Variants in IGF2R observed in about 807,000 individuals in gnomAD.
The protein encoded by IGF2R is insulin like growth factor 2 receptor.
In IGF2R, 91 loss-of-function variants were observed where a neutral mutation model predicts 270.6. The observed-to-expected ratio is 0.34, with a 90% confidence interval of 0.28 to 0.40. The LOEUF (loss-of-function observed/expected upper bound fraction) is 0.40. Ranked by LOEUF, IGF2R falls within the 10% of genes least tolerant of loss-of-function variation. IGF2R has a pLI of 1.00. For missense variants in IGF2R, 2,805 were observed against 3,188.3 expected, an observed-to-expected ratio of 0.88 and a Z score of 2.90; for synonymous variants, 1,316 against 1,258.9, an observed-to-expected ratio of 1.05 and a Z score of -0.96.
In IGF2R at chr6:160,107,873, C is replaced by T. The variant is rs563241873; in HGVS notation, c.*2789C>T. ...CTTACAGGACAAAGAACTCTTTTTC[C>T]CTGAATCATTTGAGATGAAGTTTCT... On this transcript the variant is annotated 3_prime_UTR_variant, in exon 48 of 48. Coordinates refer to ENST00000356956, the MANE Select transcript of IGF2R (RefSeq NM_000876.4). 2.0e-5 allele frequency: 3 copies of T among 152,112 alleles called. No homozygotes were observed. Among genetic ancestry groups the T allele is most frequent in the Non-Finnish European group, 4.4e-5 (3 of 68,036 alleles). 9.4% of individuals were successfully genotyped at this position (152,112 alleles called of 1,614,324 possible).
intron 25 of IGF2R, 75 bp downstream of exon 25, chr6:160,062,003 T>A: frequency 2.1e-6 from 3 of 1,401,030 alleles, no homozygotes; most frequent in South Asian, 2.5e-5. Context: ...CCTCTGAATC[T>A]TCTATCTTGT....
intron 29 of IGF2R, among the ~76,000 whole-genome samples, chr6:160,067,249 G>C (rs536661694): frequency 6.6e-6 from 1 of 151,912 alleles, no homozygotes; most frequent in Non-Finnish European, 1.5e-5. Flanking sequence ...CCTGGGATGC[G>C]CTTTACTGGG....
intron 1 of IGF2R, among the ~76,000 whole-genome samples, chr6:159,987,164 CAT>C (rs550445263): frequency 3.9e-5 from 6 of 152,280 alleles, no homozygotes; most frequent in South Asian, 4.1e-4. Context: ...TAGTTTCAAA[CAT>C]GTGATTTCTT....
At chr6:160,060,156 G>A (rs549559255) in intron 22 of IGF2R, among the ~76,000 whole-genome samples, 4 of 151,758 alleles carry the variant, frequency 2.6e-5, no homozygotes, top group Admixed American at 6.6e-5. Flanking sequence ...TCATCACATA[G>A]GCCACCATTG....
intron 1 of IGF2R, among the ~76,000 whole-genome samples, chr6:159,974,306 C>A (rs1783655902): frequency 6.6e-6 from 1 of 152,182 alleles, no homozygotes; most frequent in African/African-American, 2.4e-5. Flanking sequence ...TTATCATGTG[C>A]TTACTGACTG....
intron 15 of IGF2R, 50 bp from the exon 16 acceptor site, chr6:160,047,109 G>C (rs531283748): frequency 1.9e-6 from 3 of 1,570,310 alleles, no homozygotes; most frequent in Non-Finnish European, 2.6e-6. Context: ...CAGCCTTGGA[G>C]TGCTTCTGCC....
intron 7 of IGF2R, among the ~76,000 whole-genome samples, chr6:160,030,420 G>T (rs548877830): frequency 2.0e-5 from 3 of 152,348 alleles, no homozygotes; most frequent in Admixed American, 2.0e-4. Flanking sequence ...TCTGACGTCA[G>T]GCTGGCAGCT....
At chr6:160,087,789 C>T (rs887321693) in intron 41 of IGF2R, among the ~76,000 whole-genome samples, 59 of 152,188 alleles carry the variant, frequency 3.9e-4, no homozygotes, top group Non-Finnish European at 8.4e-4. Flanking sequence ...AATTCTCCTG[C>T]CTCAGCCTCC....
intron 29 of IGF2R, among the ~76,000 whole-genome samples, chr6:160,065,204 G>A (rs1282316687): frequency 1.3e-5 from 2 of 152,160 alleles, no homozygotes; most frequent in African/African-American, 2.4e-5. Context: ...TGACCCCTGC[G>A]ATGAAGGGAG....
chr6:159,991,411 G>T, intron 2 of IGF2R, 88 bp downstream of exon 2: 1 of 1,071,190 alleles, frequency 9.3e-7, no homozygotes, highest in South Asian at 1.7e-5. Flanking sequence ...CGTATATAGC[G>T]ATACAAAAAT....
At chr6:160,029,759 G>A (rs904297631) in intron 7 of IGF2R, 104 bp downstream of exon 7, 2 of 739,142 alleles carry the variant, frequency 2.7e-6, no homozygotes, top group Non-Finnish European at 4.7e-6. Flanking sequence ...GATGCAGGAA[G>A]CTGGGAGCCA....
chr6:160,029,573 A>T lies in IGF2R; in HGVS notation c.800A>T (p.Glu267Val), dbSNP rs767594886. 1 of 1,613,774 alleles carries T rather than the reference A, an allele frequency of 6.2e-7. No individual in the cohort carries two copies. The stretch of plus-strand genomic sequence containing the variant: ...AGGCTTGTCCTGAGTTACGTGAGGG[A>T]AGAGGCAGGAAAGCTAGACTTTTGT... ...KDRLVLSYVR[E>V]EAGKLDFCDG... Residue 267 changes from glutamate (E) to valine (V), a missense_variant, in exon 7 of 48, where the codon GAA becomes GTA. Glu to Val is a moderately radical substitution (Grantham distance 121). Coordinates refer to ENST00000356956, the MANE Select transcript of IGF2R (RefSeq NM_000876.4).
chr6:160,012,758 T>TAC lies in IGF2R; in HGVS notation c.513+1974_513+1975insCA, dbSNP rs1182616584. ...TGCCCGGCTAATTTATATATATATA[T>TAC]ATATATTTTTTTTTTTTTTTGTTTG... On this transcript the variant is annotated intron_variant, in intron 4 of 47. Transcript: ENST00000356956. Among the ~76,000 whole-genome samples, 2 of 71,952 alleles carry TAC rather than the reference T, an allele frequency of 2.8e-5. 1 individual carries two copies. Among genetic ancestry groups the TAC allele is most frequent in the East Asian group, 1.5e-3 (2 of 1,364 alleles). 47.2% of individuals were successfully genotyped at this position (71,952 alleles called of 152,430 possible).
At chr6:159,982,764 G>T (rs1783825650) in intron 1 of IGF2R, among the ~76,000 whole-genome samples, 1 of 152,214 alleles carries the variant, frequency 6.6e-6, no homozygotes, top group Non-Finnish European at 1.5e-5. Context: ...GGCAATAAAT[G>T]AGGAAGGGAC....
At chr6:160,056,751 A>G (rs1778325775) in intron 20 of IGF2R, among the ~76,000 whole-genome samples, 2 of 152,110 alleles carry the variant, frequency 1.3e-5, no homozygotes, top group African/African-American at 2.4e-5. Context: ...TGCTCACTGT[A>G]GTTTCCTTCC....
intron 22 of IGF2R, 67 bp downstream of exon 22, chr6:160,059,165 C>CATCCTACACTCAGGAAGGTG: frequency 7.4e-7 from 1 of 1,348,876 alleles, no homozygotes; most frequent in Non-Finnish European, 1.0e-6. Flanking sequence ...TGGCCATGCA[C>CATCCTACACTCAGGAAGGTG]CTTCCTGAGT....
At chr6:159,999,141 G>A (rs1412051088) in intron 2 of IGF2R, among the ~76,000 whole-genome samples, 2 of 152,192 alleles carry the variant, frequency 1.3e-5, no homozygotes, top group African/African-American at 4.8e-5. Context: ...AGATGGGATG[G>A]ATCCCTCTGC....
chr6:159,973,852 G>T (rs1300727469), intron 1 of IGF2R, among the ~76,000 whole-genome samples: 2 of 152,174 alleles, frequency 1.3e-5, no homozygotes, highest in Non-Finnish European at 2.9e-5. Flanking sequence ...TTTGATCTTG[G>T]TATATAAACT....
chr6:160,090,085 A>T lies in IGF2R; in HGVS notation c.6637A>T (p.Thr2213Ser). 2 of 1,549,004 alleles carry T rather than the reference A, an allele frequency of 1.3e-6. No individual in the cohort carries two copies. Among genetic ancestry groups the T allele is most frequent in the Non-Finnish European group, 1.7e-6 (2 of 1,146,364 alleles). Reference sequence around the variant, plus strand: ...TCGGAAAGTTGGAACCTCTGACAAGACCAAGTACTACCTTCAAGGTAATCC... The same window carrying T: ...TCGGAAAGTTGGAACCTCTGACAAGTCCAAGTACTACCTTCAAGGTAATCC... ...FSRKVGTSDK[T>S]KYYLQDGDLD... is the part of the protein sequence containing the mutation. Residue 2213 changes from threonine to serine, a missense_variant, in exon 44 of 48, where the codon ACC becomes TCC. Thr to Ser is a moderately conservative substitution (Grantham distance 58). Coordinates refer to ENST00000356956, the MANE Select transcript of IGF2R (RefSeq NM_000876.4).
Sources: allele counts gnomAD v4.1 joint callset (sites outside exome capture counted in the v4.1 genomes callset), GRCh38; gene constraint gnomAD v4.1.1; transcripts MANE v1.5; gene names NCBI Gene and HGNC (gene_info 2026-07-23, HGNC 2026-07-21).